The following SCN11A variants were observed in gnomAD, a reference collection of about 807,000 sequenced individuals.
SCN11A encodes sodium channel protein type 11 subunit alpha.
In SCN11A, 122 loss-of-function variants were observed where a neutral mutation model predicts 162.2. That is an observed-to-expected ratio of 0.75 (90% CI 0.65 to 0.87). The LOEUF (loss-of-function observed/expected upper bound fraction) is 0.87, where lower values mean the gene tolerates loss of function less well. SCN11A is among the 40% of genes least tolerant of loss of function. SCN11A has a pLI of 0.00. For missense variants in SCN11A, 2,015 were observed against 2,181.6 expected, an observed-to-expected ratio of 0.92 and a Z score of 1.52; for synonymous variants, 758 against 751.5, an observed-to-expected ratio of 1.01 and a Z score of -0.14.
At chr3:38,972,559 T>G (rs1029400918) in intron 2 of SCN11A, among the ~76,000 whole-genome samples, 3 of 152,138 alleles carry the variant, frequency 2.0e-5, no homozygotes, top group Non-Finnish European at 4.4e-5. Context: ...GTGACTCTTT[T>G]TTCCCTTATG....
In SCN11A at chr3:38,880,038, A is replaced by G. The variant is rs767259627; in HGVS notation, c.3305T>C (p.Ile1102Thr). The G allele has an allele frequency of 4.3e-6, 7 of 1,611,612 alleles. No homozygotes were observed. The South Asian group carries it at 7.7e-5, about 18-fold the overall frequency. The change falls in exon 23 of 30, where the codon ATC becomes ACC. Residue 1102 changes from isoleucine to threonine, a missense_variant. Transcript: ENST00000302328. ...TACCCATTTTAGTACCATCTCCAGG[A>G]TAAAAATATGTGTAAAAATAATGTC... ...CTDIIFTHIFILEMVLKWVAF... is the reference protein window; with the variant it reads ...CTDIIFTHIFTLEMVLKWVAF...
At position 38,907,945 on chromosome 3, in the gene SCN11A, T is replaced by C; in HGVS notation, c.1473+4A>G. ...GTATCATTAATTCCCTGGAAAAGAC[T>C]TACCTTTTTTTGGCAATCTTCATCA... On this transcript the variant is annotated splice_donor_region_variant and intron_variant, in intron 14 of 29. Coordinates refer to ENST00000302328, the MANE Select transcript of SCN11A (RefSeq NM_001349253.2). 1.3e-6 allele frequency: 2 copies of C among 1,598,200 alleles called. No individual in the cohort carries two copies. The highest frequency in any genetic ancestry group is 1.4e-5 in the African/African-American group (1 of 73,740).
chr3:38,968,699 C>T (rs2066798681), intron 2 of SCN11A, among the ~76,000 whole-genome samples: 1 of 152,142 alleles, frequency 6.6e-6, no homozygotes, highest in African/African-American at 2.4e-5. Context: ...CACGCACACA[C>T]ATACACACGT....
chr3:38,858,100 A>G (rs2064900996), intron 28 of SCN11A, among the ~76,000 whole-genome samples: 1 of 152,170 alleles, frequency 6.6e-6, no homozygotes, highest in Admixed American at 6.5e-5. Flanking sequence ...CTATAAAACA[A>G]CAACATAATT....
At chr3:38,898,292 T>C (rs1220694151) in intron 17 of SCN11A, among the ~76,000 whole-genome samples, 8 of 152,224 alleles carry the variant, frequency 5.3e-5, no homozygotes, top group Admixed American at 5.2e-4. Context: ...TAAAATCATA[T>C]GAAGTTCAAG....
intron 27 of SCN11A, among the ~76,000 whole-genome samples, chr3:38,864,169 T>C (rs1294527601): frequency 6.6e-6 from 1 of 152,138 alleles, no homozygotes; most frequent in South Asian, 2.1e-4. Context: ...CTGTTGGTAA[T>C]GGAAGACAAC....
chr3:38,958,318 G>A (rs1024184268), intron 3 of SCN11A, among the ~76,000 whole-genome samples: 16 of 152,182 alleles, frequency 1.1e-4, no homozygotes, highest in Non-Finnish European at 1.9e-4. Context: ...GTGGCCATGG[G>A]CCACAGTGCC....
At chr3:39,033,663 C>A (rs2031823301) in intron 1 of SCN11A, among the ~76,000 whole-genome samples, 1 of 152,166 alleles carries the variant, frequency 6.6e-6, no homozygotes, top group Non-Finnish European at 1.5e-5. Context: ...TAGGCATTCA[C>A]AGGGAATCTG....
Position 38,889,000 on chromosome 3 carries a change from TA to T in SCN11A, c.2836-2763del, listed in dbSNP as rs200396457. On this transcript the variant is annotated intron_variant, in intron 19 of 29. Coordinates refer to ENST00000302328, the MANE Select transcript of SCN11A (RefSeq NM_001349253.2). ...CTTATTCCCCAAAAACTACTGAAAT[TA>T]AATTTTTTTTAATGAAATTGAAAAA... Among the ~76,000 whole-genome samples the T allele has an allele frequency of 1.2e-3, 177 of 152,234 alleles. 2 individuals are homozygous for T. Among genetic ancestry groups the T allele is most frequent in the African/African-American group, 4.0e-3 (168 of 41,534 alleles).
intron 26 of SCN11A, among the ~76,000 whole-genome samples, chr3:38,867,714 G>T (rs367946664): frequency 1.3e-5 from 2 of 152,106 alleles, no homozygotes; most frequent in African/African-American, 4.8e-5. Context: ...ATCATTGAGG[G>T]ACTGTAAGGG....
rs370588912 is a variant in SCN11A at position 38,930,750 on chromosome 3, T to C, written c.489-3819A>G. On this transcript the variant is annotated intron_variant, in intron 7 of 29. Coordinates refer to ENST00000302328, the MANE Select transcript of SCN11A (RefSeq NM_001349253.2). ...TAAAACCATGCCCACCAGGAGGAAA[T>C]TACATGCCTCCTTGTATGAAGACAT... 2.1e-4 allele frequency among the ~76,000 whole-genome samples: 32 copies of C among 152,192 alleles called. 2 individuals are homozygous for C. The highest frequency in any genetic ancestry group is 1.2e-3 in the Admixed American group (18 of 15,298).
At chr3:39,039,997 C>A (rs774389160) in intron 1 of SCN11A, among the ~76,000 whole-genome samples, 7 of 152,226 alleles carry the variant, frequency 4.6e-5, no homozygotes, top group Admixed American at 6.5e-5. Flanking sequence ...ACCCCACCCC[C>A]TCTAGAGGTA....
chr3:38,934,104 A>G (rs1436381795), intron 7 of SCN11A, among the ~76,000 whole-genome samples: 2 of 152,234 alleles, frequency 1.3e-5, no homozygotes, highest in African/African-American at 4.8e-5. Context: ...TCAACCCAGA[A>G]TTTCATATCC....
At chr3:38,978,561 G>T (rs2066862760) in intron 2 of SCN11A, among the ~76,000 whole-genome samples, 1 of 152,078 alleles carries the variant, frequency 6.6e-6, no homozygotes, top group Admixed American at 6.5e-5. Context: ...CAGGAGAATT[G>T]CTTGAGCCTG....
chr3:38,969,194 A>G lies in SCN11A; in HGVS notation c.-279-8771T>C, dbSNP rs141139921. On this transcript the variant is annotated intron_variant, in intron 2 of 29. Coordinates refer to ENST00000302328, the MANE Select transcript of SCN11A (RefSeq NM_001349253.2). ...GAGGCTAGGATAGGTGGCCAAGTCTACATGGAGGCCCAGCGAAGGGACTGG... is the reference window on the plus strand; with the variant it reads ...GAGGCTAGGATAGGTGGCCAAGTCTGCATGGAGGCCCAGCGAAGGGACTGG... Among the ~76,000 whole-genome samples, 125 of 152,372 alleles carry G rather than the reference A, an allele frequency of 8.2e-4. 1 individual carries two copies. Among genetic ancestry groups the G allele is most frequent in the South Asian group, 2.3e-3 (11 of 4,826 alleles).
At chr3:38,952,097 G>A (rs920484669) in intron 4 of SCN11A, among the ~76,000 whole-genome samples, 2 of 152,082 alleles carry the variant, frequency 1.3e-5, no homozygotes, top group Non-Finnish European at 2.9e-5. Flanking sequence ...AAGCCAGCAA[G>A]ACCACGAGCC....
At chr3:38,965,989 A>AT (rs2066779490) in intron 2 of SCN11A, among the ~76,000 whole-genome samples, 1 of 151,690 alleles carries the variant, frequency 6.6e-6, no homozygotes, top group African/African-American at 2.4e-5. Context: ...CTTAAAAAAA[A>AT]TTAAAAAAAA....
intron 2 of SCN11A, among the ~76,000 whole-genome samples, chr3:39,009,842 A>T (rs1464919770): frequency 1.9e-5 from 2 of 107,458 alleles, no homozygotes; most frequent in Non-Finnish European, 4.1e-5. Flanking sequence ...ACGCTCAGCT[A>T]ATTTTTTTTT....
rs538642196 is a variant in SCN11A, at chr3:38,936,020, C to G, written c.489-9089G>C. 4.7e-3 allele frequency among the ~76,000 whole-genome samples: 717 copies of G among 152,250 alleles called. 2 individuals are homozygous for G. The highest frequency in any genetic ancestry group is 6.8e-3 in the Middle Eastern group (2 of 294). ...GCAGCACATCAAAAAGCTTATCCAC[C>G]ATGATCAAGTGGGCTTCATCCCTGG... On this transcript the variant is annotated intron_variant, in intron 7 of 29. Coordinates refer to ENST00000302328, the MANE Select transcript of SCN11A (RefSeq NM_001349253.2).
Sources: gnomAD v4.1 joint callset for allele counts (sites outside exome capture counted in the v4.1 genomes callset) on GRCh38, gnomAD v4.1.1 for gene constraint, MANE v1.5 for transcripts, NCBI Gene and HGNC (gene_info 2026-07-23, HGNC 2026-07-21) for gene names.